Variants in PPP3CA observed in about 807,000 individuals in gnomAD.
The protein encoded by PPP3CA is CAM-PRP catalytic subunit.
A neutral mutation model predicts 66.5 loss-of-function variants in PPP3CA; 14 were observed. The ratio of observed to expected loss-of-function variants is 0.21; its 90% CI spans 0.14 to 0.33. The LOEUF (loss-of-function observed/expected upper bound fraction) is 0.33, where lower values mean the gene tolerates loss of function less well. Ranked by LOEUF, PPP3CA falls within the 10% of genes least tolerant of loss-of-function variation. The pLI is 1.00. For synonymous variants in PPP3CA, 232 were observed against 226.2 expected, an observed-to-expected ratio of 1.03 and a Z score of -0.23; for missense variants, 317 against 639.5, an observed-to-expected ratio of 0.50 and a Z score of 5.44.
chr4:101,314,170 T>C (rs1451097084), intron 1 of PPP3CA, among the ~76,000 whole-genome samples: 2 of 152,184 alleles, frequency 1.3e-5, no homozygotes, highest in Admixed American at 6.5e-5. Context: ...TGCAAAAATA[T>C]GTTTGCGATA....
In PPP3CA at chr4:101,026,067, C is replaced by G; in HGVS notation, c.1370-6G>C. ...TGGTGAAAATCCTTTGATAGCTAAA[C>G]AGAAAATCATTAAAAAAAGAAAACC... is the stretch of plus-strand genomic sequence containing the variant. On this transcript the variant is annotated splice_region_variant and splice_polypyrimidine_tract_variant and intron_variant, in intron 13 of 13. Coordinates refer to ENST00000394854, the MANE Select transcript of PPP3CA (RefSeq NM_000944.5). 1.3e-6 allele frequency: 2 copies of G among 1,572,622 alleles called. No homozygotes were observed. Among genetic ancestry groups the G allele is most frequent in the South Asian group, 1.2e-5 (1 of 85,806 alleles).
intron 8 of PPP3CA, among the ~76,000 whole-genome samples, chr4:101,067,389 A>G (rs1728724616): frequency 6.6e-6 from 1 of 152,016 alleles, no homozygotes. Context: ...TAATAACACA[A>G]CTGGTTCCCT....
At chr4:101,029,353 A>AAAAG (rs1194869506) in intron 12 of PPP3CA, among the ~76,000 whole-genome samples, 158 bp from the exon 13 acceptor site, 2 of 146,666 alleles carry the variant, frequency 1.4e-5, no homozygotes, top group Admixed American at 6.7e-5. Context: ...ATGCTAAAAA[A>AAAAG]AAAAAAAAAA....
chr4:101,140,912 G>A (rs74631130), intron 2 of PPP3CA, among the ~76,000 whole-genome samples: 6,052 of 152,142 alleles, frequency 0.04, 201 homozygotes, highest in Middle Eastern at 0.11. Flanking sequence ...AATTAGTGGG[G>A]ATTTGAGCTT....
At chr4:101,339,043 C>A (rs746891279) in intron 1 of PPP3CA, among the ~76,000 whole-genome samples, 2 of 152,174 alleles carry the variant, frequency 1.3e-5, no homozygotes, top group Non-Finnish European at 2.9e-5. Flanking sequence ...GAGACAGCAG[C>A]GTTAGTGCCA....
At chr4:101,041,384 C>T (rs375623669) in intron 10 of PPP3CA, among the ~76,000 whole-genome samples, 45 of 151,098 alleles carry the variant, frequency 3.0e-4, no homozygotes, top group Middle Eastern at 3.5e-3. Context: ...TTTTAATTCC[C>T]GAGGTACATT....
chr4:101,319,407 T>C (rs1168346846), intron 1 of PPP3CA, among the ~76,000 whole-genome samples: 5 of 152,140 alleles, frequency 3.3e-5, no homozygotes, highest in Admixed American at 6.6e-5. Flanking sequence ...TTCTTAAGCA[T>C]ATGTTTAGGA....
intron 1 of PPP3CA, among the ~76,000 whole-genome samples, chr4:101,227,119 CACAT>C (rs33970429): frequency 0.67 from 97,336 of 145,902 alleles, 32,189 homozygotes; most frequent in Middle Eastern, 0.72. Context: ...TGTACATACA[CACAT>C]ACATACATAC....
intron 2 of PPP3CA, among the ~76,000 whole-genome samples, chr4:101,193,232 G>A (rs1724667740): frequency 1.3e-5 from 2 of 152,182 alleles, no homozygotes; most frequent in African/African-American, 4.8e-5. Flanking sequence ...CCAGGTAAAT[G>A]TATAATAAAC....
At chr4:101,032,485 G>T in intron 11 of PPP3CA, 121 bp from the exon 12 acceptor site, 1 of 765,428 alleles carries the variant, frequency 1.3e-6, no homozygotes, top group Non-Finnish European at 2.1e-6. Flanking sequence ...TGGCTCTCCG[G>T]ATCTTTTTTT....
At chr4:101,344,106 G>A (rs1729904867) in intron 1 of PPP3CA, among the ~76,000 whole-genome samples, 1 of 152,046 alleles carries the variant, frequency 6.6e-6, no homozygotes, top group Admixed American at 6.5e-5. Context: ...CTGTATTAAA[G>A]AATGAGTTAA....
rs755603767 is a variant in PPP3CA, at chr4:101,099,672, A to G, written c.435T>C (p.Phe145=). The G allele has an allele frequency of 6.3e-7, 1 of 1,597,350 alleles. No individual in the cohort carries two copies. Among genetic ancestry groups the G allele is most frequent in the South Asian group, 1.1e-5 (1 of 88,250 alleles). The change falls in exon 4 of 14, where the codon TTT becomes TTC. Residue 145 remains phenylalanine (F), a synonymous_variant. Transcript: ENST00000394854. ...TACATTCATGATTTCCACGAAGTAAAAACAGTGTTTTGGGGTAGAGAATTT... is the reference window on the plus strand; with the variant it reads ...TACATTCATGATTTCCACGAAGTAAGAACAGTGTTTTGGGGTAGAGAATTT... ...ALKILYPKTL[F]LLRGNHECRH...
intron 1 of PPP3CA, among the ~76,000 whole-genome samples, chr4:101,226,139 G>C (rs924202265): frequency 5.9e-5 from 9 of 151,764 alleles, no homozygotes; most frequent in African/African-American, 2.2e-4. Context: ...CTAGTGAACA[G>C]ATCTGTGCTG....
intron 1 of PPP3CA, among the ~76,000 whole-genome samples, chr4:101,210,736 TTG>T (rs1299024714): frequency 6.6e-6 from 1 of 152,198 alleles, no homozygotes; most frequent in African/African-American, 2.4e-5. Context: ...TTTAGTTGGT[TTG>T]TGTTTATTTC....
At chr4:101,263,661 T>C (rs867076096) in intron 1 of PPP3CA, among the ~76,000 whole-genome samples, 43 of 152,044 alleles carry the variant, frequency 2.8e-4, no homozygotes, top group Middle Eastern at 6.8e-3. Context: ...CCCACCCATA[T>C]GCACACACAA....
chr4:101,248,889 G>A (rs753788300), intron 1 of PPP3CA, among the ~76,000 whole-genome samples: 19 of 152,238 alleles, frequency 1.2e-4, no homozygotes, highest in Non-Finnish European at 2.4e-4. Context: ...GGCCGGGCGC[G>A]GTGGCTCACG....
chr4:101,284,210 C>A (rs765059514), intron 1 of PPP3CA, among the ~76,000 whole-genome samples: 10 of 152,078 alleles, frequency 6.6e-5, no homozygotes, highest in Admixed American at 2.0e-4. Flanking sequence ...TATCCATAAG[C>A]GTAATCAGGA....
At chr4:101,323,319 C>T (rs1024151292) in intron 1 of PPP3CA, among the ~76,000 whole-genome samples, 5 of 152,126 alleles carry the variant, frequency 3.3e-5, no homozygotes, top group African/African-American at 1.2e-4. Flanking sequence ...TACTATAGGG[C>T]TTTGGGGAAG....
intron 8 of PPP3CA, among the ~76,000 whole-genome samples, chr4:101,071,583 A>G (rs1316131704): frequency 6.6e-6 from 1 of 152,220 alleles, no homozygotes; most frequent in East Asian, 1.9e-4. Context: ...CTATCAGACA[A>G]CGGAATTCAA....
Sources: allele counts gnomAD v4.1 joint callset (sites outside exome capture counted in the v4.1 genomes callset), GRCh38; gene constraint gnomAD v4.1.1; transcripts MANE v1.5; gene names NCBI Gene and HGNC (gene_info 2026-07-23, HGNC 2026-07-21).